Variants in CEP112 observed in about 807,000 individuals in gnomAD.
The protein encoded by CEP112 is centrosomal protein of 112 kDa.
Under a neutral mutation model 153.0 loss-of-function variants are expected in CEP112, and 127 were observed. That is an observed-to-expected ratio of 0.83 (90% CI 0.72 to 0.96). The LOEUF is 0.96. Among genes scored for constraint, CEP112 ranks in the 40% least tolerant of loss-of-function variants. The pLI is 0.00. For synonymous variants in CEP112, 358 were observed against 374.4 expected (o/e 0.96, Z 0.51); for missense variants, 1,089 against 1,101.2 (o/e 0.99, Z 0.16).
intron 8 of CEP112, among the ~76,000 whole-genome samples, chr17:66,073,452 A>G (rs1385439854): frequency 6.6e-6 from 1 of 152,222 alleles, no homozygotes; most frequent in Admixed American, 6.5e-5. Context: ...CCTCAACCAC[A>G]GGCTGATGGC....
intron 8 of CEP112, among the ~76,000 whole-genome samples, chr17:66,071,939 C>T (rs571248116): frequency 3.3e-5 from 5 of 152,274 alleles, no homozygotes; most frequent in Non-Finnish European, 5.9e-5. Flanking sequence ...TGATGGATCT[C>T]TGTTCTTACA....
intron 6 of CEP112, among the ~76,000 whole-genome samples, chr17:66,112,061 C>T (rs969518331): frequency 5.9e-5 from 9 of 152,130 alleles, no homozygotes; most frequent in Admixed American, 1.3e-4. Context: ...GAGGCTGAGG[C>T]GGGCAGATCA....
At chr17:66,028,653 TTTTA>T (rs2065328688) in intron 14 of CEP112, among the ~76,000 whole-genome samples, 1 of 151,862 alleles carries the variant, frequency 6.6e-6, no homozygotes, top group Admixed American at 6.6e-5. Context: ...AAATATAATC[TTTTA>T]AAGTAAAAAT....
chr17:65,783,234 T>G (rs184374134), intron 21 of CEP112, among the ~76,000 whole-genome samples: 306 of 152,308 alleles, frequency 2.0e-3, no homozygotes, highest in African/African-American at 7.0e-3. Context: ...GAGGTACTGC[T>G]ACATACCCAG....
At chr17:65,925,541 A>T (rs1262934135) in intron 19 of CEP112, among the ~76,000 whole-genome samples, 1 of 152,178 alleles carries the variant, frequency 6.6e-6, no homozygotes. Context: ...CAGCATCATA[A>T]CGCCTGTGCT....
chr17:66,163,982 G>A (rs563430960), intron 4 of CEP112, among the ~76,000 whole-genome samples: 2 of 152,144 alleles, frequency 1.3e-5, no homozygotes, highest in African/African-American at 2.4e-5. Context: ...GGAGAAAAAA[G>A]CCTAAATGGC....
At chr17:65,647,643 ATTT>A (rs11358851) in intron 24 of CEP112, among the ~76,000 whole-genome samples, 2,717 of 143,656 alleles carry the variant, frequency 0.019, 47 homozygotes, top group African/African-American at 0.045. Flanking sequence ...TGCCCAGCTA[ATTT>A]TTTTTTTTTT....
chr17:65,703,431 A>T (rs949594412), intron 23 of CEP112, among the ~76,000 whole-genome samples: 9 of 151,310 alleles, frequency 5.9e-5, no homozygotes, highest in African/African-American at 2.2e-4. Context: ...GAATTGCTTG[A>T]ACCTGGGAGG....
At chr17:65,758,043 A>G (rs1008328885) in intron 21 of CEP112, among the ~76,000 whole-genome samples, 4 of 152,168 alleles carry the variant, frequency 2.6e-5, no homozygotes, top group African/African-American at 7.2e-5. Context: ...TATGTTGCTC[A>G]GGCTGGACTC....
At chr17:66,004,816 T>A (rs112147837) in intron 17 of CEP112, among the ~76,000 whole-genome samples, 6,078 of 152,318 alleles carry the variant, frequency 0.04, 169 homozygotes, top group South Asian at 0.11. Context: ...AAGTCATTCT[T>A]ATTTGCAGGT....
At chr17:66,180,985 A>C (rs1343405289) in intron 2 of CEP112, among the ~76,000 whole-genome samples, 2 of 152,134 alleles carry the variant, frequency 1.3e-5, no homozygotes, top group African/African-American at 4.8e-5. Flanking sequence ...AAATATTGGG[A>C]ACACTTTGAA....
chr17:65,638,779 C>T (rs141605313), intron 25 of CEP112, among the ~76,000 whole-genome samples: 2 of 152,232 alleles, frequency 1.3e-5, no homozygotes, highest in African/African-American at 2.4e-5. Context: ...GAGGCCCTAT[C>T]GCAGCTGGCA....
chr17:65,884,706 C>CTTTTTTTTTTTTTTTTTTTTT (rs11370374), intron 20 of CEP112, among the ~76,000 whole-genome samples: 2 of 130,652 alleles, frequency 1.5e-5, no homozygotes, highest in African/African-American at 2.8e-5. Context: ...TTTGTAGTTT[C>CTTTTTTTTTTTTTTTTTTTTT]TTTTTTTTTT....
chr17:66,133,310 A>G (rs1024644511), intron 4 of CEP112, among the ~76,000 whole-genome samples: 2 of 152,178 alleles, frequency 1.3e-5, no homozygotes, highest in Admixed American at 1.3e-4. Context: ...CGGGAAGAAC[A>G]TTGTTTTAAG....
Position 66,103,969 on chromosome 17 carries a change from C to T in CEP112, c.643-7337G>A, listed in dbSNP as rs552537677. ...GCCAGAGGCAAATCATTCATCCCAGCAGTCGGAACCTTAGTTCTAGCGAAC... is the reference window on the plus strand; with the variant it reads ...GCCAGAGGCAAATCATTCATCCCAGTAGTCGGAACCTTAGTTCTAGCGAAC... On this transcript the variant is annotated intron_variant, in intron 6 of 26. Coordinates refer to ENST00000535342, the MANE Select transcript of CEP112 (RefSeq NM_001199165.4). Among the ~76,000 whole-genome samples, 5 of 152,308 alleles carry T rather than the reference C, an allele frequency of 3.3e-5. No homozygotes were observed. In the South Asian group the frequency reaches 1.0e-3, roughly 32 times the overall value.
At chr17:65,705,804 G>A (rs1279748786) in intron 23 of CEP112, among the ~76,000 whole-genome samples, 1 of 152,140 alleles carries the variant, frequency 6.6e-6, no homozygotes, top group African/African-American at 2.4e-5. Flanking sequence ...CTGTAAAATG[G>A]CATTTTAAAG....
At chr17:65,789,634 T>C (rs917054983) in intron 21 of CEP112, among the ~76,000 whole-genome samples, 15 of 152,072 alleles carry the variant, frequency 9.9e-5, no homozygotes, top group African/African-American at 3.4e-4. Context: ...CATTTTTTTT[T>C]TCATGAATAT....
At chr17:65,956,279 A>C (rs1479783241) in intron 18 of CEP112, among the ~76,000 whole-genome samples, 1 of 152,140 alleles carries the variant, frequency 6.6e-6, no homozygotes, top group African/African-American at 2.4e-5. Context: ...AGAAGTCATT[A>C]TATGAAAAAG....
intron 20 of CEP112, among the ~76,000 whole-genome samples, chr17:65,855,438 A>G (rs2058090852): frequency 6.6e-6 from 1 of 152,204 alleles, no homozygotes; most frequent in Non-Finnish European, 1.5e-5. Flanking sequence ...CTAGTGACTC[A>G]GTCATTAGAC....
Sources: allele counts gnomAD v4.1 joint callset (sites outside exome capture counted in the v4.1 genomes callset), GRCh38; gene constraint gnomAD v4.1.1; transcripts MANE v1.5; gene names NCBI Gene and HGNC (gene_info 2026-07-23, HGNC 2026-07-21).